The following KMT2C variants were observed in gnomAD, a reference collection of about 807,000 sequenced individuals.
KMT2C encodes the protein lysine methyltransferase 2C, also known as histone-lysine N-methyltransferase 2C.
A neutral mutation model predicts 507.9 loss-of-function variants in KMT2C; 88 were observed. The ratio of observed to expected loss-of-function variants is 0.17; its 90% confidence interval spans 0.15 to 0.21. KMT2C has a LOEUF of 0.21. Among genes scored for constraint, KMT2C ranks in the 10% least tolerant of loss-of-function variants. The pLI is 1.00. For synonymous variants in KMT2C, 2,049 were observed against 2,080.8 expected (o/e 0.98, Z 0.42); for missense variants, 4,954 against 5,957.8 (o/e 0.83, Z 5.55).
intron 42 of KMT2C, among the ~76,000 whole-genome samples, chr7:152,164,089 G>C (rs957125831): frequency 6.6e-6 from 1 of 151,988 alleles, no homozygotes; most frequent in Non-Finnish European, 1.5e-5. Context: ...AAACGGTTTA[G>C]TAAAATATTA....
chr7:152,378,442 T>C (rs557844531), intron 1 of KMT2C, among the ~76,000 whole-genome samples: 5,542 of 152,304 alleles, frequency 0.036, 81 homozygotes, highest in Non-Finnish European at 0.051. Context: ...TAGCATTTTT[T>C]AGCAATAAAG....
chr7:152,247,694 C>T (rs2095496620), intron 14 of KMT2C, among the ~76,000 whole-genome samples: 1 of 152,266 alleles, frequency 6.6e-6, no homozygotes, highest in Non-Finnish European at 1.5e-5. Flanking sequence ...AGTTGAAATT[C>T]CAAATAAGAT....
In KMT2C at chr7:152,182,071, G is replaced by A. The variant is rs2129120647; in HGVS notation, c.5789C>T (p.Ser1930Leu). 6.2e-7 allele frequency: 1 copy of A among 1,614,180 alleles called. No homozygotes were observed. The highest frequency in any genetic ancestry group is 8.5e-7 in the Non-Finnish European group (1 of 1,180,032). Reference protein sequence around the residue: ...AAPVENCTPLSSVSRPLQMNE... With the variant: ...AAPVENCTPLLSVSRPLQMNE... ...CATTTGAAGGGGCCTAGATACCGAT[G>A]ATAAAGGTGTACAGTTTTCCACTGG... is the stretch of plus-strand genomic sequence containing the variant. The change falls in exon 36 of 59, where the codon TCA (serine) becomes TTA (leucine). Residue 1930 changes from serine (S) to leucine (L), a missense_variant. Transcript: ENST00000262189.
chr7:152,290,159 A>G (rs2096385682), intron 6 of KMT2C, among the ~76,000 whole-genome samples: 1 of 150,126 alleles, frequency 6.7e-6, no homozygotes, highest in Non-Finnish European at 1.5e-5. Flanking sequence ...ATCTTATAAA[A>G]TCATATATGG....
chr7:152,165,180 C>G (rs1050806320), intron 42 of KMT2C, among the ~76,000 whole-genome samples: 1 of 152,230 alleles, frequency 6.6e-6, no homozygotes, highest in Non-Finnish European at 1.5e-5. Flanking sequence ...GCACCTACAA[C>G]ACTATGTGGG....
chr7:152,347,070 G>A (rs1360446581), intron 2 of KMT2C, among the ~76,000 whole-genome samples: 2 of 152,156 alleles, frequency 1.3e-5, no homozygotes, highest in African/African-American at 4.8e-5. Context: ...GCTGCAGTGA[G>A]CCAAGATCGT....
At chr7:152,367,970 T>C in intron 1 of KMT2C, 1 of 905,266 alleles carries the variant, frequency 1.1e-6, no homozygotes. Flanking sequence ...GCCAACAGTT[T>C]AAAAAACAGA....
At chr7:152,274,591 A>G (rs1442902247) in intron 6 of KMT2C, among the ~76,000 whole-genome samples, 1 of 152,200 alleles carries the variant, frequency 6.6e-6, no homozygotes, top group Non-Finnish European at 1.5e-5. Context: ...AAAATGTTGC[A>G]TTTACTTATT....
chr7:152,167,624 C>G lies in KMT2C; in HGVS notation c.9518-246G>C, dbSNP rs2092788718. 2.6e-5 allele frequency among the ~76,000 whole-genome samples: 4 copies of G among 152,144 alleles called. No homozygotes were observed. In the South Asian group the frequency reaches 8.3e-4, roughly 31 times the overall value. On this transcript the variant is annotated intron_variant, in intron 41 of 58. Transcript: ENST00000262189. ...GTTAACTTAGCACTTATAAATATTA[C>G]AAATCCAATCTTGGAAAAGCAGACT...
At chr7:152,281,910 T>C (rs2096220248) in intron 6 of KMT2C, among the ~76,000 whole-genome samples, 1 of 152,162 alleles carries the variant, frequency 6.6e-6, no homozygotes, top group Non-Finnish European at 1.5e-5. Flanking sequence ...ATTAGTTATA[T>C]ACAAGTAATA....
chr7:152,148,052 T>G lies in KMT2C; in HGVS notation c.13875A>C (p.Leu4625=). Residue 4625 remains leucine, a synonymous_variant, in exon 52 of 59, where the codon CTA becomes CTC. Coordinates refer to ENST00000262189, the MANE Select transcript of KMT2C (RefSeq NM_170606.3). This position sits in a 1 kb window ranked among gnomAD's most constrained non-coding sequence, Gnocchi z 7.1. Reference sequence around the variant, plus strand: ...CGTTACCTTTAGGTGAGATGTCACTTAGAACCAGGTCTTCATGGCCTTGTT... The same window carrying G: ...CGTTACCTTTAGGTGAGATGTCACTGAGAACCAGGTCTTCATGGCCTTGTT... ...IVEQGHEDLV[L]SDISPKGVWD... The G allele has an allele frequency of 6.3e-7, 1 of 1,589,952 alleles. No homozygotes were observed. Among genetic ancestry groups the G allele is most frequent in the Non-Finnish European group, 8.6e-7 (1 of 1,162,932 alleles).
At chr7:152,280,863 C>A (rs1283662769) in intron 6 of KMT2C, among the ~76,000 whole-genome samples, 1 of 151,974 alleles carries the variant, frequency 6.6e-6, no homozygotes, top group African/African-American at 2.4e-5. Context: ...TTTTTTTAAA[C>A]ATTATACTTA....
chr7:152,195,514 T>C, intron 28 of KMT2C: 1 of 984,438 alleles, frequency 1.0e-6, no homozygotes, highest in Non-Finnish European at 1.2e-6. Flanking sequence ...CATTGCTCAG[T>C]TTCTTACCAA....
At chr7:152,342,274 T>G (rs1453457261) in intron 2 of KMT2C, among the ~76,000 whole-genome samples, 1 of 152,314 alleles carries the variant, frequency 6.6e-6, no homozygotes, top group African/African-American at 2.4e-5. Flanking sequence ...CCTCAAAGGT[T>G]AGTCACAAAT....
At chr7:152,170,463 G>C (rs2092913136) in intron 40 of KMT2C, among the ~76,000 whole-genome samples, 1 of 152,042 alleles carries the variant, frequency 6.6e-6, no homozygotes, top group African/African-American at 2.4e-5. Flanking sequence ...AGGATGGGAA[G>C]AAAAAAGGAA....
intron 24 of KMT2C, among the ~76,000 whole-genome samples, chr7:152,205,549 T>A (rs1215704136): frequency 6.6e-6 from 1 of 152,182 alleles, no homozygotes; most frequent in Non-Finnish European, 1.5e-5. Context: ...TAGTGCCTCA[T>A]ACATCACATA....
At chr7:152,365,341 T>C (rs1433065153) in intron 1 of KMT2C, among the ~76,000 whole-genome samples, 1 of 152,186 alleles carries the variant, frequency 6.6e-6, no homozygotes, top group Non-Finnish European at 1.5e-5. Flanking sequence ...AAACCCTGTC[T>C]CTGCTAAAAA....
chr7:152,400,695 A>T (rs1220000833), intron 1 of KMT2C, among the ~76,000 whole-genome samples: 1 of 152,218 alleles, frequency 6.6e-6, no homozygotes, highest in African/African-American at 2.4e-5. Context: ...TTTATTTCTC[A>T]CATATTCTTT....
chr7:152,139,573 A>G, intron 56 of KMT2C, 102 bp downstream of exon 56: 2 of 800,274 alleles, frequency 2.5e-6, no homozygotes, highest in Non-Finnish European at 4.3e-6. Flanking sequence ...AGCTGAATGC[A>G]GCATGACAGA....
Sources: gnomAD v4.1 joint callset for allele counts (sites outside exome capture counted in the v4.1 genomes callset) on GRCh38, gnomAD v4.1.1 for gene constraint, Gnocchi (gnomAD v3.1) non-coding constraint, MANE v1.5 for transcripts, NCBI Gene and HGNC (gene_info 2026-07-23, HGNC 2026-07-21) for gene names.